The following MTAP variants were observed in gnomAD, a reference collection of about 807,000 sequenced individuals.
MTAP encodes methylthioadenosine phosphorylase.
In MTAP, 33 loss-of-function variants were observed where a neutral mutation model predicts 33.6. That is an observed-to-expected ratio of 0.98 (90% confidence interval 0.74 to 1.31). The LOEUF (loss-of-function observed/expected upper bound fraction) is 1.31, where lower values mean the gene tolerates loss of function less well. Ranked by LOEUF, MTAP falls within the 40% of genes most tolerant of loss-of-function variation. The pLI is 0.00. For synonymous variants in MTAP, 148 were observed against 125.7 expected (o/e 1.18, Z -1.19); for missense variants, 367 against 360.0 (o/e 1.02, Z -0.16).
At position 21,887,965 on chromosome 9, in the gene MTAP, G is replaced by T. The variant is rs1587276345; in HGVS notation, c.147+33095G>T. Among the ~76,000 whole-genome samples the T allele has an allele frequency of 3.3e-5, 5 of 152,276 alleles. No individual in the cohort carries two copies. The East Asian group carries it at 9.6e-4, about 29-fold the overall frequency. On this transcript the variant is annotated intron_variant, in intron 1 of 1. Coordinates refer to the MTAP transcript ENST00000577563. ...TGGGATATAGCAGTACTACTGATTT[G>T]TGTACATTGATATTCTATCCTGAAA...
chr9:21,835,972 A>C (rs745922857), intron 4 of MTAP, among the ~76,000 whole-genome samples: 2 of 152,170 alleles, frequency 1.3e-5, no homozygotes, highest in South Asian at 2.1e-4. Context: ...AGTATAGCCC[A>C]AAAATGGTTT....
At chr9:21,878,673 A>G (rs779208175) in intron 1 of MTAP, among the ~76,000 whole-genome samples, 1 of 151,996 alleles carries the variant, frequency 6.6e-6, no homozygotes, top group Non-Finnish European at 1.5e-5. Flanking sequence ...AGATCTTGCT[A>G]AATTTTTAAT....
chr9:21,905,223 T>G (rs2118824206), intron 1 of MTAP, among the ~76,000 whole-genome samples: 1 of 152,070 alleles, frequency 6.6e-6, no homozygotes, highest in Non-Finnish European at 1.5e-5. Context: ...AGTGCATGAG[T>G]GCAAGGTTTT....
chr9:21,803,163 A>G, intron 1 of MTAP: 6 of 405,196 alleles, frequency 1.5e-5, no homozygotes, highest in Non-Finnish European at 2.1e-5. Flanking sequence ...TCTTCCAAGA[A>G]AGACACCCGG....
At chr9:21,888,981 ATC>A (rs1818156710) in intron 1 of MTAP, among the ~76,000 whole-genome samples, 1 of 152,126 alleles carries the variant, frequency 6.6e-6, no homozygotes, top group African/African-American at 2.4e-5. Flanking sequence ...GTGGGGTCCT[ATC>A]TTTAGCCTCC....
At chr9:21,901,952 T>A (rs1473478463) in intron 1 of MTAP, among the ~76,000 whole-genome samples, 2 of 152,336 alleles carry the variant, frequency 1.3e-5, no homozygotes, top group Non-Finnish European at 2.9e-5. Flanking sequence ...ATGACAAATG[T>A]TACAGTGTTC....
intron 4 of MTAP, among the ~76,000 whole-genome samples, chr9:21,833,323 C>T (rs1049539727): frequency 6.6e-6 from 1 of 152,124 alleles, no homozygotes; most frequent in African/African-American, 2.4e-5. Context: ...GCTGGGACTA[C>T]AAGGGTGTGA....
intron 1 of MTAP, among the ~76,000 whole-genome samples, chr9:21,876,220 T>G (rs974162483): frequency 6.6e-6 from 1 of 151,706 alleles, no homozygotes; most frequent in African/African-American, 2.4e-5. Context: ...AAATGGGGTT[T>G]TTTTTTCTTG....
intron 6 of MTAP, among the ~76,000 whole-genome samples, chr9:21,855,491 A>G (rs1329120524): frequency 1.3e-5 from 2 of 152,180 alleles, no homozygotes; most frequent in African/African-American, 2.4e-5. Context: ...TCCTGTTTTA[A>G]GTGTGATGGG....
Position 21,863,727 on chromosome 9 carries a change from G to A in MTAP, c.*1713G>A. 1 of 985,752 alleles carries A rather than the reference G, an allele frequency of 1.0e-6. No homozygotes were observed. The highest frequency in any genetic ancestry group is 1.2e-6 in the Non-Finnish European group (1 of 829,884). 61.1% of individuals were successfully genotyped at this position (985,752 alleles called of 1,614,324 possible). A position where few individuals can be genotyped will look rare whatever the true frequency, so the allele number is the denominator to read the frequency against. ...TTCTTTTCACTGTAGGCTATTACAG[G>A]ATACTTCAGGATCAAGATACAGAAC... On this transcript the variant is annotated 3_prime_UTR_variant, in exon 8 of 8. Transcript: ENST00000644715.
chr9:21,853,308 G>C (rs1400141424), intron 5 of MTAP, among the ~76,000 whole-genome samples: 1 of 152,090 alleles, frequency 6.6e-6, no homozygotes, highest in Non-Finnish European at 1.5e-5. Context: ...GGAAAAGGGG[G>C]TGGGGTAGAG....
intron 1 of MTAP, chr9:21,808,891 A>G (rs1824275784): frequency 6.6e-6 from 1 of 152,272 alleles, no homozygotes; most frequent in Admixed American, 6.5e-5. Flanking sequence ...CAGAGGGAAG[A>G]CCATGTGAAG....
intron 6 of MTAP, among the ~76,000 whole-genome samples, chr9:21,857,572 T>G (rs1256398061): frequency 6.6e-6 from 1 of 152,236 alleles, no homozygotes; most frequent in Non-Finnish European, 1.5e-5. Context: ...TCTTCAACTT[T>G]TTCTTATGAA....
chr9:21,831,761 A>G (rs1402656264), intron 4 of MTAP, among the ~76,000 whole-genome samples: 1 of 151,748 alleles, frequency 6.6e-6, no homozygotes, highest in Non-Finnish European at 1.5e-5. Flanking sequence ...AGTCTTCTTT[A>G]TCAGGAATGT....
chr9:21,899,151 C>T lies in MTAP; in HGVS notation c.148-31857C>T, dbSNP rs140446916. The stretch of plus-strand genomic sequence containing the variant: ...CCCAAGGACAGAAAACCAAACACTG[C>T]ATGTTCTCACTCATAGGTGAGAATT... On this transcript the variant is annotated intron_variant, in intron 1 of 1. Coordinates refer to the MTAP transcript ENST00000577563. 5.7e-3 allele frequency among the ~76,000 whole-genome samples: 813 copies of T among 143,530 alleles called. 15 individuals carry two copies. Among genetic ancestry groups the T allele is most frequent in the East Asian group, 0.053 (255 of 4,854 alleles). The allele number at this position is 143,530 out of a possible 152,430, so 94.2% of individuals were successfully genotyped here.
chr9:21,807,960 T>C (rs1052701146), intron 1 of MTAP, among the ~76,000 whole-genome samples: 1 of 152,224 alleles, frequency 6.6e-6, no homozygotes, highest in Non-Finnish European at 1.5e-5. Context: ...CACCTGTGGT[T>C]GTAGTCATGG....
chr9:21,921,278 A>G (rs1282332865), intron 1 of MTAP, among the ~76,000 whole-genome samples: 1 of 151,700 alleles, frequency 6.6e-6, no homozygotes, highest in Non-Finnish European at 1.5e-5. Flanking sequence ...TTCTGATTTT[A>G]TTTACATGGG....
chr9:21,869,792 T>A (rs1227526319), downstream of MTAP, among the ~76,000 whole-genome samples: 2 of 152,254 alleles, frequency 1.3e-5, no homozygotes, highest in Non-Finnish European at 2.9e-5. Flanking sequence ...ACCTGGATAC[T>A]GTAATAACCC....
intron 1 of MTAP, among the ~76,000 whole-genome samples, chr9:21,891,854 A>G (rs1047723589): frequency 2.0e-5 from 3 of 152,214 alleles, no homozygotes; most frequent in African/African-American, 7.2e-5. Context: ...ACAAAAGAAA[A>G]AAATACTAAA....
Sources: gnomAD v4.1 joint callset for allele counts (sites outside exome capture counted in the v4.1 genomes callset) on GRCh38, gnomAD v4.1.1 for gene constraint, MANE v1.5 for transcripts, NCBI Gene and HGNC (gene_info 2026-07-23, HGNC 2026-07-21) for gene names.